HSPA14: variants seen among roughly 807,000 people sequenced by gnomAD.
The protein encoded by HSPA14 is heat shock protein family A (Hsp70) member 14.
Under a neutral mutation model 65.5 loss-of-function variants are expected in HSPA14, and 37 were observed. The ratio of observed to expected loss-of-function variants is 0.56; its 90% CI spans 0.43 to 0.74. The LOEUF (loss-of-function observed/expected upper bound fraction) is 0.74. HSPA14 is among the 30% of genes least tolerant of loss of function. The pLI, the probability that HSPA14 is intolerant of heterozygous loss-of-function variation, is 0.00. For synonymous variants in HSPA14, 203 were observed against 214.2 expected, an observed-to-expected ratio of 0.95 and a Z score of 0.46; for missense variants, 564 against 607.6, an observed-to-expected ratio of 0.93 and a Z score of 0.75.
chr10:14,867,716 C>CCTTG lies in HSPA14; in HGVS notation c.1207-19_1207-16dup. 2 of 1,603,948 alleles carry CCTTG rather than the reference C, an allele frequency of 1.2e-6. No individual in the cohort carries two copies. Among genetic ancestry groups the CCTTG allele is most frequent in the Non-Finnish European group, 1.7e-6 (2 of 1,176,304 alleles). The stretch of plus-strand genomic sequence containing the variant: ...AAAGATAAATACCAAAGAGTATGCA[C>CCTTG]CTTGTTTCCTGCTAACTAGGGTGTG... On this transcript the variant is annotated intron_variant, in intron 11 of 13. Coordinates refer to ENST00000378372, the MANE Select transcript of HSPA14 (RefSeq NM_016299.4).
intron 7 of HSPA14, among the ~76,000 whole-genome samples, chr10:14,851,598 A>G (rs1284768279): frequency 6.6e-6 from 1 of 152,192 alleles, no homozygotes; most frequent in Non-Finnish European, 1.5e-5. Flanking sequence ...CCAGTTTCCA[A>G]CTCAAGCTAC....
intron 10 of HSPA14, among the ~76,000 whole-genome samples, chr10:14,860,876 T>C (rs1832745211): frequency 1.3e-5 from 2 of 151,940 alleles, no homozygotes. Context: ...AGAGCCACAA[T>C]ACAGAAGAGA....
At chr10:14,850,511 C>T (rs1834100647) in intron 6 of HSPA14, among the ~76,000 whole-genome samples, 1 of 152,180 alleles carries the variant, frequency 6.6e-6, no homozygotes, top group Non-Finnish European at 1.5e-5. Context: ...GGTCATTATG[C>T]AAATGTATTG....
At chr10:14,869,232 CGTGT>C (rs68155495) in intron 12 of HSPA14, among the ~76,000 whole-genome samples, 21,844 of 144,686 alleles carry the variant, frequency 0.15, 1,586 homozygotes, top group South Asian at 0.19. Context: ...TGTACGTGTA[CGTGT>C]GTGTGTGTGT....
At chr10:14,867,930 A>G in intron 12 of HSPA14, 21 bp downstream of exon 12, 1 of 1,585,428 alleles carries the variant, frequency 6.3e-7, no homozygotes, top group Non-Finnish European at 8.6e-7. Context: ...AAAGTTAGAC[A>G]CATTAAACTG....
intron 10 of HSPA14, among the ~76,000 whole-genome samples, chr10:14,864,505 C>T (rs540770354): frequency 3.5e-4 from 53 of 151,828 alleles, no homozygotes; most frequent in African/African-American, 1.1e-3. Context: ...CAACAGGCCC[C>T]GGTGTGTGAT....
chr10:14,843,834 T>G, intron 3 of HSPA14: 6 of 1,536,392 alleles, frequency 3.9e-6, no homozygotes, highest in Non-Finnish European at 5.2e-6. Flanking sequence ...AGGCAACTGG[T>G]GCTTTTCAGC....
intron 10 of HSPA14, among the ~76,000 whole-genome samples, chr10:14,856,336 G>A (rs1030870572): frequency 1.3e-5 from 2 of 152,076 alleles, no homozygotes; most frequent in African/African-American, 2.4e-5. Context: ...AGTTTTGTAC[G>A]TGAAGGCACC....
At chr10:14,838,502 C>G (rs748798901) in intron 1 of HSPA14, 43 bp downstream of exon 1, 3 of 1,545,250 alleles carry the variant, frequency 1.9e-6, no homozygotes, top group Non-Finnish European at 2.6e-6. Context: ...TGACGGCCAC[C>G]CGGTTTTCTG....
intron 10 of HSPA14, among the ~76,000 whole-genome samples, chr10:14,862,607 C>T (rs1002529206): frequency 3.9e-5 from 6 of 151,908 alleles, no homozygotes; most frequent in East Asian, 3.9e-4. Context: ...AATCTCCTGA[C>T]CTTGTAATCC....
intron 9 of HSPA14, among the ~76,000 whole-genome samples, chr10:14,855,195 AG>A (rs1834137283): frequency 6.6e-6 from 1 of 152,214 alleles, no homozygotes; most frequent in South Asian, 2.1e-4. Context: ...CAACCATAAA[AG>A]TATGCTTTAA....
At chr10:14,845,725 C>G (rs77672738) in intron 3 of HSPA14, 2 of 188,098 alleles carry the variant, frequency 1.1e-5, no homozygotes, top group South Asian at 3.7e-4. Flanking sequence ...ACATGCCCAA[C>G]TCATTTTTGT....
chr10:14,840,067 T>C lies in HSPA14; in HGVS notation c.139-8T>C. 1 of 1,322,302 alleles carries C rather than the reference T, an allele frequency of 7.6e-7. No individual in the cohort carries two copies. The highest frequency in any genetic ancestry group is 1.0e-6 in the Non-Finnish European group (1 of 988,994). 81.9% of individuals were successfully genotyped at this position (1,322,302 alleles called of 1,614,324 possible). A position where few individuals can be genotyped will look rare whatever the true frequency, so the allele number is the denominator to read the frequency against. On this transcript the variant is annotated splice_polypyrimidine_tract_variant and splice_region_variant and intron_variant, in intron 2 of 13. Coordinates refer to ENST00000378372, the MANE Select transcript of HSPA14 (RefSeq NM_016299.4). The stretch of plus-strand genomic sequence containing the variant: ...ATATATATATATATATATTATTTTT[T>C]TTTTCAGATTGTTGGATTGGCAGCA...
chr10:14,844,210 A>G lies in HSPA14; in HGVS notation c.221+4053A>G, dbSNP rs1211898777. Reference sequence around the variant, plus strand: ...TGGTTTCCTCATCCGTAAAATGGGGATCAATAATAACTCCTGCCCTGCCTA... The same window carrying G: ...TGGTTTCCTCATCCGTAAAATGGGGGTCAATAATAACTCCTGCCCTGCCTA... On this transcript the variant is annotated intron_variant, in intron 3 of 13. Transcript: ENST00000378372. 5 of 1,135,302 alleles carry G rather than the reference A, an allele frequency of 4.4e-6. No individual in the cohort carries two copies. The Admixed American group carries it at 2.2e-4, about 50-fold the overall frequency. The allele number at this position is 1,135,302 out of a possible 1,614,324, so 70.3% of individuals were successfully genotyped here.
At chr10:14,860,797 G>A (rs954256263) in intron 10 of HSPA14, among the ~76,000 whole-genome samples, 3 of 152,064 alleles carry the variant, frequency 2.0e-5, no homozygotes, top group Non-Finnish European at 4.4e-5. Flanking sequence ...GTCTGGGCTG[G>A]AGACATGTTT....
Position 14,842,969 on chromosome 10 carries a change from G to T in HSPA14, c.221+2812G>T, listed in dbSNP as rs763883353. 1 of 788,286 alleles carries T rather than the reference G, an allele frequency of 1.3e-6. No homozygotes were observed. Among genetic ancestry groups the T allele is most frequent in the Non-Finnish European group, 2.0e-6 (1 of 510,050 alleles). 48.8% of individuals were successfully genotyped at this position (788,286 alleles called of 1,614,324 possible). A position where few individuals can be genotyped will look rare whatever the true frequency, so the allele number is the denominator to read the frequency against. ...CTGTTTCTGCCTCATTCTGCCCCAC[G>T]CACCTTTTCAAAAACCTAATAGTAA... On this transcript the variant is annotated intron_variant, in intron 3 of 13. Coordinates refer to ENST00000378372, the MANE Select transcript of HSPA14 (RefSeq NM_016299.4). The surrounding 1 kb of genome is among the most constrained non-coding windows in gnomAD (Gnocchi z 5.2).
At chr10:14,860,464 AG>A (rs1462388350) in intron 10 of HSPA14, among the ~76,000 whole-genome samples, 1 of 152,192 alleles carries the variant, frequency 6.6e-6, no homozygotes, top group Non-Finnish European at 1.5e-5. Context: ...GGGCCTAGCT[AG>A]TGACAGAGGG....
At chr10:14,846,542 G>GA in intron 3 of HSPA14, 1 of 985,220 alleles carries the variant, frequency 1.0e-6, no homozygotes, top group Middle Eastern at 5.2e-4. Flanking sequence ...AGCAAGCCAG[G>GA]AATCTGCCTA....
At position 14,839,993 on chromosome 10, in the gene HSPA14, TCCC is replaced by T. The variant is rs779318690; in HGVS notation, c.138+12_138+14del. 1 of 1,599,236 alleles carries T rather than the reference TCCC, an allele frequency of 6.3e-7. No homozygotes were observed. The highest frequency in any genetic ancestry group is 1.1e-5 in the South Asian group (1 of 89,742). On this transcript the variant is annotated intron_variant, in intron 2 of 13. Transcript: ENST00000378372. The stretch of plus-strand genomic sequence containing the variant: ...TACTCAGAAAATGAAGAGGTACTAG[TCCC>T]CCCATTTTTGTACTTCTGAAATAAT...
Sources: gnomAD v4.1 joint callset for allele counts (sites outside exome capture counted in the v4.1 genomes callset) on GRCh38, gnomAD v4.1.1 for gene constraint, Gnocchi (gnomAD v3.1) non-coding constraint, MANE v1.5 for transcripts, NCBI Gene and HGNC (gene_info 2026-07-23, HGNC 2026-07-21) for gene names.